The following CR1L variants were observed in gnomAD, a reference collection of about 807,000 sequenced individuals.
CR1L encodes the protein complement C3b/C4b receptor 1 like.
CR1L carries 59 observed loss-of-function variants against 62.3 expected under a neutral mutation model. The ratio of observed to expected loss-of-function variants is 0.95; its 90% confidence interval spans 0.77 to 1.18. CR1L has a LOEUF of 1.18. Ranked by LOEUF, CR1L falls within the 50% of genes most tolerant of loss-of-function variation. The probability of loss-of-function intolerance (pLI) is 0.00; values close to 1 mark genes in which losing one functional copy is unlikely to be tolerated. For synonymous variants in CR1L, 279 were observed against 248.7 expected (o/e 1.12, Z -1.15); for missense variants, 700 against 702.8 (o/e 1.00, Z 0.04).
intron 1 of CR1L, among the ~76,000 whole-genome samples, chr1:207,662,947 G>A (rs1663448523): frequency 6.6e-6 from 1 of 152,350 alleles, no homozygotes; most frequent in East Asian, 1.9e-4. Flanking sequence ...CAGCAGCGGT[G>A]GCTGCAGAAC....
intron 4 of CR1L, among the ~76,000 whole-genome samples, chr1:207,690,870 T>A (rs1558019922): frequency 6.6e-6 from 1 of 152,216 alleles, no homozygotes; most frequent in African/African-American, 2.4e-5. Context: ...GTGTGTCCTT[T>A]GCTCTTCTGG....
In CR1L at chr1:207,677,595, T is replaced by C. The variant is rs764852054; in HGVS notation, c.277+27T>C. On this transcript the variant is annotated intron_variant, in intron 2 of 11. Coordinates refer to ENST00000508064, the MANE Select transcript of CR1L (RefSeq NM_175710.2). Reference sequence around the variant, plus strand: ...TAAGTAACTCTGGAGTGGGAACCCCTCTGTTAGTCAAACATCTGTAAGATC... The same window carrying C: ...TAAGTAACTCTGGAGTGGGAACCCCCCTGTTAGTCAAACATCTGTAAGATC... 14 of 1,602,016 alleles carry C rather than the reference T, an allele frequency of 8.7e-6. No individual in the cohort carries two copies. The South Asian group carries it at 9.0e-5, about 10-fold the overall frequency.
chr1:207,685,941 A>G (rs1663893825), intron 4 of CR1L, among the ~76,000 whole-genome samples: 2 of 151,822 alleles, frequency 1.3e-5, no homozygotes, highest in African/African-American at 4.8e-5. Context: ...CTTAATTCCA[A>G]ATTGGCCTGG....
intron 3 of CR1L, among the ~76,000 whole-genome samples, chr1:207,679,153 A>ATTTTTTTTTTTTTTTT (rs34703217): frequency 4.4e-5 from 4 of 90,288 alleles, no homozygotes; most frequent in Admixed American, 1.3e-4. Flanking sequence ...GCCCACCACC[A>ATTTTTTTTTTTTTTTT]TTTTTTTTTT....
chr1:207,656,115 G>A (rs914293817), intron 1 of CR1L, among the ~76,000 whole-genome samples: 2 of 152,192 alleles, frequency 1.3e-5, no homozygotes, highest in African/African-American at 4.8e-5. Context: ...GTAGCAGCCT[G>A]TAGTCCCAGC....
intron 11 of CR1L, among the ~76,000 whole-genome samples, chr1:207,720,791 G>A (rs1438706700): frequency 1.3e-5 from 2 of 152,126 alleles, no homozygotes; most frequent in African/African-American, 4.8e-5. Context: ...AATATCTTAA[G>A]AGAGGCTTAA....
At chr1:207,691,497 A>G (rs1170672495) in intron 4 of CR1L, among the ~76,000 whole-genome samples, 1 of 151,976 alleles carries the variant, frequency 6.6e-6, no homozygotes, top group Non-Finnish European at 1.5e-5. Flanking sequence ...TAAAATTATA[A>G]ATAAATAAAT....
chr1:207,707,249 C>G (rs1664281388), intron 9 of CR1L, among the ~76,000 whole-genome samples: 1 of 152,182 alleles, frequency 6.6e-6, no homozygotes, highest in African/African-American at 2.4e-5. Context: ...TAAGCCCCAT[C>G]ATGTTTGGGT....
chr1:207,678,221 G>T lies in CR1L; in HGVS notation c.301G>T (p.Asp101Tyr). 4 of 1,613,724 alleles carry T rather than the reference G, an allele frequency of 2.5e-6. No individual in the cohort carries two copies. The highest frequency in any genetic ancestry group is 3.4e-6 in the Non-Finnish European group (4 of 1,179,650). Residue 101 changes from aspartate to tyrosine, a missense_variant, in exon 3 of 12, where the codon GAT becomes TAT. Transcript: ENST00000508064. The stretch of plus-strand genomic sequence containing the variant: ...AGGTAAATCATGTCGTAATCCTCCA[G>T]ATCCTGTGAATGGCATGGCACATGT... ...CKRKSCRNPP[D>Y]PVNGMAHVIK...
intron 11 of CR1L, among the ~76,000 whole-genome samples, chr1:207,719,172 T>G: frequency 7.1e-6 from 1 of 140,344 alleles, no homozygotes; most frequent in Admixed American, 7.4e-5. Context: ...GACACGTTAG[T>G]GGGTGCAGCG....
chr1:207,689,998 T>C (rs1355424199), intron 4 of CR1L, among the ~76,000 whole-genome samples: 1 of 152,088 alleles, frequency 6.6e-6, no homozygotes, highest in Non-Finnish European at 1.5e-5. Flanking sequence ...TCTTTTTGCT[T>C]CTTTTTCCTT....
intron 10 of CR1L, among the ~76,000 whole-genome samples, chr1:207,711,864 G>A (rs1664363445): frequency 6.6e-6 from 1 of 150,812 alleles, no homozygotes; most frequent in Non-Finnish European, 1.5e-5. Context: ...ACACGACTGT[G>A]CTCCAGCCTG....
rs947706172 is a variant in CR1L at position 207,693,753 on chromosome 1, C to CT, written c.464-589dup. Among the ~76,000 whole-genome samples the CT allele has an allele frequency of 1.9e-3, 279 of 145,236 alleles. 1 individual carries two copies. The highest frequency in any genetic ancestry group is 5.4e-3 in the African/African-American group (214 of 39,862). On this transcript the variant is annotated intron_variant, in intron 4 of 11. Coordinates refer to ENST00000508064, the MANE Select transcript of CR1L (RefSeq NM_175710.2). ...TACTTGAAAGTTCAATAGAGCTTATCTTTTTTTTTTTATTCTTACATGTTT... is the reference window on the plus strand; with the variant it reads ...TACTTGAAAGTTCAATAGAGCTTATCTTTTTTTTTTTTATTCTTACATGTTT...
intron 1 of CR1L, chr1:207,655,407 G>A (rs11118268): frequency 0.46 from 131,219 of 287,800 alleles, 31,462 homozygotes; most frequent in African/African-American, 0.61. Context: ...GGTTATATCT[G>A]TTGGTATTTA....
At chr1:207,658,207 T>C (rs1012615914) in intron 1 of CR1L, among the ~76,000 whole-genome samples, 31 of 151,872 alleles carry the variant, frequency 2.0e-4, no homozygotes, top group African/African-American at 7.3e-4. Context: ...GATTTAATTT[T>C]CCACCTTAAG....
At chr1:207,709,760 C>T (rs1339732367) in intron 10 of CR1L, among the ~76,000 whole-genome samples, 2 of 149,582 alleles carry the variant, frequency 1.3e-5, no homozygotes, top group Non-Finnish European at 3.0e-5. Flanking sequence ...TCATTTGAGG[C>T]CAGGAAAGGA....
chr1:207,717,664 C>T lies in CR1L; in HGVS notation c.1615C>T (p.Pro539Ser). 5.6e-6 allele frequency: 9 copies of T among 1,613,982 alleles called. No individual in the cohort carries two copies. The highest frequency in any genetic ancestry group is 7.6e-6 in the Non-Finnish European group (9 of 1,179,892). Reference protein sequence around the residue: ...HGNGVWSSPAPRCELPVGAGS... With the variant: ...HGNGVWSSPASRCELPVGAGS... ...GAATGGGGTTTGGAGCAGCCCTGCC[C>T]CTCGCTGTGAACTTCCTGTTGGTGC... Residue 539 changes from proline (P) to serine (S), a missense_variant, in exon 11 of 12, where the codon CCT (proline) becomes TCT (serine). Pro to Ser is a moderately conservative substitution (Grantham distance 74). Coordinates refer to ENST00000508064, the MANE Select transcript of CR1L (RefSeq NM_175710.2).
rs1663239742 is a variant in CR1L, at chr1:207,652,649, G to A, written c.97+7319G>A. The A allele has an allele frequency of 7.7e-6, 9 of 1,167,672 alleles. No homozygotes were observed. The Admixed American group carries it at 1.5e-4, about 20-fold the overall frequency. 72.3% of individuals were successfully genotyped at this position (1,167,672 alleles called of 1,614,324 possible). ...CAAGTAGATTATAAGTGTAAAAAAGGACACTTCTACGTACCTCCTCTTGCC... is the reference window on the plus strand; with the variant it reads ...CAAGTAGATTATAAGTGTAAAAAAGAACACTTCTACGTACCTCCTCTTGCC... On this transcript the variant is annotated intron_variant, in intron 1 of 11. Coordinates refer to ENST00000508064, the MANE Select transcript of CR1L (RefSeq NM_175710.2).
At chr1:207,662,885 G>C (rs963313900) in intron 1 of CR1L, among the ~76,000 whole-genome samples, 1 of 152,216 alleles carries the variant, frequency 6.6e-6, no homozygotes, top group African/African-American at 2.4e-5. Context: ...CTCAGCTGCA[G>C]GTCTGTTGGA....
Sources: gnomAD v4.1 joint callset for allele counts (sites outside exome capture counted in the v4.1 genomes callset) on GRCh38, gnomAD v4.1.1 for gene constraint, MANE v1.5 for transcripts, NCBI Gene and HGNC (gene_info 2026-07-23, HGNC 2026-07-21) for gene names.